EYS: variants seen among roughly 807,000 people sequenced by gnomAD.
The protein encoded by EYS is EGF-like photoreceptor maintenance factor.
In EYS, 250 loss-of-function variants were observed where a neutral mutation model predicts 282.1. The ratio of observed to expected loss-of-function variants is 0.89; its 90% CI spans 0.80 to 0.98. The LOEUF is 0.98. Ranked by LOEUF, EYS falls within the 50% of genes least tolerant of loss-of-function variation. The pLI, the probability that EYS is intolerant of heterozygous loss-of-function variation, is 0.00. For synonymous variants in EYS, 1,355 were observed against 1,282.9 expected (o/e 1.06, Z -1.20); for missense variants, 4,016 against 3,709.0 (o/e 1.08, Z -2.15).
intron 30 of EYS, among the ~76,000 whole-genome samples, chr6:64,285,303 T>A (rs1242133262): frequency 2.0e-5 from 3 of 152,172 alleles, no homozygotes; most frequent in Non-Finnish European, 2.9e-5. Flanking sequence ...TTCCACCAGA[T>A]ACCCTAAATC....
At chr6:64,007,615 T>G (rs1768412444) in intron 33 of EYS, among the ~76,000 whole-genome samples, 1 of 152,150 alleles carries the variant, frequency 6.6e-6, no homozygotes, top group African/African-American at 2.4e-5. Flanking sequence ...CTTTTTGATA[T>G]GGGCATTTAG....
Position 64,361,658 on chromosome 6 carries a change from TATG to T in EYS, c.6078+27029_6078+27031del, listed in dbSNP as rs746448051. 8.3e-4 allele frequency among the ~76,000 whole-genome samples: 126 copies of T among 151,892 alleles called. 1 individual carries two copies. Among genetic ancestry groups the T allele is most frequent in the Non-Finnish European group, 1.6e-3 (110 of 67,804 alleles). On this transcript the variant is annotated intron_variant, in intron 29 of 42. Transcript: ENST00000503581. The stretch of plus-strand genomic sequence containing the variant: ...GATCTTCTTTTGGGCTTGAGGAAAA[TATG>T]ATCACAAAAGTATTCCTTTAACAAT...
chr6:64,786,793 C>T (rs1224603119), intron 22 of EYS, among the ~76,000 whole-genome samples: 1 of 152,186 alleles, frequency 6.6e-6, no homozygotes, highest in African/African-American at 2.4e-5. Flanking sequence ...CTGACCTTGG[C>T]ATAGCAGACT....
chr6:65,616,958 A>G (rs16896945), intron 2 of EYS, among the ~76,000 whole-genome samples: 9,909 of 152,228 alleles, frequency 0.065, 1,009 homozygotes, highest in African/African-American at 0.21. Flanking sequence ...TATACGAATT[A>G]AGTATTGAAT....
intron 33 of EYS, among the ~76,000 whole-genome samples, chr6:64,043,805 G>A (rs1562171078): frequency 6.6e-6 from 1 of 152,102 alleles, no homozygotes; most frequent in Non-Finnish European, 1.5e-5. Context: ...TAACTTCCTG[G>A]GTAAGAAGCC....
At chr6:64,349,431 A>G (rs964221009) in intron 29 of EYS, among the ~76,000 whole-genome samples, 3 of 112,472 alleles carry the variant, frequency 2.7e-5, no homozygotes, top group Non-Finnish European at 4.0e-5. Context: ...TATGAAAACT[A>G]AACCATAAAT....
intron 26 of EYS, among the ~76,000 whole-genome samples, chr6:64,480,283 TTCTTTA>T (rs773937942): frequency 2.0e-5 from 3 of 151,878 alleles, no homozygotes; most frequent in Non-Finnish European, 4.4e-5. Context: ...TAAATATCAA[TTCTTTA>T]TCTTTAAATT....
chr6:65,615,695 G>C (rs373747859), intron 2 of EYS, among the ~76,000 whole-genome samples: 1 of 152,040 alleles, frequency 6.6e-6, no homozygotes, highest in African/African-American at 2.4e-5. Context: ...AGCACTTTGG[G>C]AGGCCAAGGC....
chr6:64,910,306 G>A (rs1040494012), intron 16 of EYS, among the ~76,000 whole-genome samples: 4 of 152,086 alleles, frequency 2.6e-5, no homozygotes, highest in Non-Finnish European at 5.9e-5. Context: ...CCCAGTCAAA[G>A]CTTCTAAAAT....
At position 64,686,825 on chromosome 6, in the gene EYS, A is replaced by ATATATATATACG. The variant is rs1770142029; in HGVS notation, c.3444-60581_3444-60580insCGTATATATATA. 3.4e-4 allele frequency among the ~76,000 whole-genome samples: 6 copies of ATATATATATACG among 17,694 alleles called. 1 individual carries two copies. Among genetic ancestry groups the ATATATATATACG allele is most frequent in the South Asian group, 2.3e-3 (1 of 428 alleles). 11.6% of individuals were successfully genotyped at this position (17,694 alleles called of 152,430 possible). A position where few individuals can be genotyped will look rare whatever the true frequency, so the allele number is the denominator to read the frequency against. On this transcript the variant is annotated intron_variant, in intron 22 of 42. Coordinates refer to ENST00000503581, the MANE Select transcript of EYS (RefSeq NM_001142800.2). ...TATATGTGTGTATATATATATGTGTATATATATATATACGTGTATATATAT... is the reference window on the plus strand; with the variant it reads ...TATATGTGTGTATATATATATGTGTATATATATATACGTATATATATATACGTGTATATATAT...
intron 1 of EYS, among the ~76,000 whole-genome samples, chr6:65,663,645 A>G (rs547889826): frequency 3.3e-5 from 5 of 152,280 alleles, no homozygotes; most frequent in Admixed American, 3.3e-4. Context: ...AGTTAAACTT[A>G]TGTAGATACA....
At chr6:64,104,292 T>C (rs1772930393) in intron 31 of EYS, among the ~76,000 whole-genome samples, 2 of 152,094 alleles carry the variant, frequency 1.3e-5, no homozygotes, top group Admixed American at 1.3e-4. Context: ...GAAGTCCTCT[T>C]GTACTGAAAT....
chr6:63,827,872 G>T (rs1299093257), intron 36 of EYS, among the ~76,000 whole-genome samples: 1 of 100,578 alleles, frequency 9.9e-6, no homozygotes, highest in Non-Finnish European at 2.1e-5. Context: ...AAAAAAAAAA[G>T]AAATTACATC....
chr6:64,292,662 CTTT>C (rs200528929), intron 30 of EYS, among the ~76,000 whole-genome samples: 1,663 of 152,114 alleles, frequency 0.011, 32 homozygotes, highest in African/African-American at 0.038. Flanking sequence ...CTGACCTCTT[CTTT>C]GTGACCCCTC....
At chr6:63,943,363 T>A (rs1199150498) in intron 35 of EYS, among the ~76,000 whole-genome samples, 2 of 152,204 alleles carry the variant, frequency 1.3e-5, no homozygotes. Context: ...GTTGGTTGGT[T>A]TGATTTTTAT....
intron 16 of EYS, among the ~76,000 whole-genome samples, chr6:64,909,940 G>C (rs968468757): frequency 6.6e-6 from 1 of 151,952 alleles, no homozygotes; most frequent in Non-Finnish European, 1.5e-5. Context: ...ACATACAGTC[G>C]CATTGTTACT....
intron 7 of EYS, among the ~76,000 whole-genome samples, chr6:65,392,718 T>C (rs1484518838): frequency 6.6e-6 from 1 of 151,882 alleles, no homozygotes; most frequent in Admixed American, 6.6e-5. Context: ...TTTTACACTG[T>C]TGGTGGGACT....
chr6:65,332,725 A>C (rs1769840914), intron 11 of EYS, among the ~76,000 whole-genome samples: 1 of 151,396 alleles, frequency 6.6e-6, no homozygotes, highest in South Asian at 2.1e-4. Context: ...TTTGCTTTAA[A>C]TATCTGTTAC....
At chr6:65,571,508 T>C (rs977885569) in intron 2 of EYS, among the ~76,000 whole-genome samples, 3 of 151,996 alleles carry the variant, frequency 2.0e-5, no homozygotes, top group East Asian at 3.9e-4. Flanking sequence ...TACTCTGGCT[T>C]TAGAGTTTCT....
Sources: allele counts gnomAD v4.1 joint callset (sites outside exome capture counted in the v4.1 genomes callset), GRCh38; gene constraint gnomAD v4.1.1; transcripts MANE v1.5; gene names NCBI Gene and HGNC (gene_info 2026-07-23, HGNC 2026-07-21).